SMC1B: variants seen among roughly 807,000 people sequenced by gnomAD.
SMC1B encodes the protein structural maintenance of chromosomes protein 1B.
SMC1B carries 60 observed loss-of-function variants against 157.9 expected under a neutral mutation model. The ratio of observed to expected loss-of-function variants is 0.38; its 90% CI spans 0.31 to 0.47. The LOEUF is 0.47. SMC1B is among the 20% of genes least tolerant of loss of function. SMC1B has a pLI of 0.99. For synonymous variants in SMC1B, 445 were observed against 483.0 expected, an observed-to-expected ratio of 0.92 and a Z score of 1.03; for missense variants, 1,165 against 1,426.2, an observed-to-expected ratio of 0.82 and a Z score of 2.95.
chr22:45,373,945 A>C (rs1156334131), intron 12 of SMC1B, among the ~76,000 whole-genome samples: 4 of 152,196 alleles, frequency 2.6e-5, no homozygotes, highest in Non-Finnish European at 5.9e-5. Flanking sequence ...TATTGTAGGA[A>C]AACATTCTAA....
chr22:45,413,018 CG>C (rs1364823593), intron 1 of SMC1B, among the ~76,000 whole-genome samples: 1 of 151,796 alleles, frequency 6.6e-6, no homozygotes, highest in Non-Finnish European at 1.5e-5. Flanking sequence ...GGGCCCAGGG[CG>C]GGACCGGGGC....
At chr22:45,358,650 T>C in intron 19 of SMC1B, 47 bp downstream of exon 19, 1 of 1,105,334 alleles carries the variant, frequency 9.0e-7, no homozygotes. Context: ...AAGATTTAAA[T>C]ATTCCGTATT....
chr22:45,354,460 G>T (rs915499809), intron 20 of SMC1B, among the ~76,000 whole-genome samples: 1 of 151,982 alleles, frequency 6.6e-6, no homozygotes, highest in Admixed American at 6.6e-5. Flanking sequence ...GCGTGATCTC[G>T]GCTCACTGCA....
rs149964833 is a variant in SMC1B at position 45,358,592 on chromosome 22, C to G, written c.2961+105G>C. 4.5e-4 allele frequency: 311 copies of G among 696,556 alleles called. 1 individual carries two copies. The African/African-American group carries it at 5.0e-3, about 11-fold the overall frequency. 43.1% of individuals were successfully genotyped at this position (696,556 alleles called of 1,614,324 possible). A position where few individuals can be genotyped will look rare whatever the true frequency, so the allele number is the denominator to read the frequency against. On this transcript the variant is annotated intron_variant, in intron 19 of 24. Transcript: ENST00000357450. ...ATTTCTTCCAAAACCATTAGGAAAT[C>G]TTTTAAAAAAAAACAAACTTAATTC...
rs752262594 is a variant in SMC1B at position 45,402,471 on chromosome 22, T to C, written c.716A>G (p.Asn239Ser). 5.6e-6 allele frequency: 9 copies of C among 1,613,958 alleles called. No homozygotes were observed. In the South Asian group the frequency reaches 8.8e-5, roughly 16 times the overall value. ...YHNEKKIHLL[N>S]TKLEHVNRDL... is the part of the protein sequence containing the mutation. ...CCTATTCACATGCTCTAACTTGGTG[T>C]TCAGGAGATGAATCTTTTTCTCATT... Residue 239 changes from asparagine to serine, a missense_variant, in exon 5 of 25, where the codon AAC becomes AGC. Asn to Ser is a conservative substitution (Grantham distance 46). Coordinates refer to ENST00000357450, the MANE Select transcript of SMC1B (RefSeq NM_148674.5).
rs993459605 is a variant in SMC1B, at chr22:45,353,913, A to C, written c.3273+65T>G. 2.1e-4 allele frequency: 158 copies of C among 757,790 alleles called. No individual in the cohort carries two copies. The South Asian group carries it at 3.0e-3, about 15-fold the overall frequency. The allele number at this position is 757,790 out of a possible 1,614,324, so 46.9% of individuals were successfully genotyped here. A position where few individuals can be genotyped will look rare whatever the true frequency, so the allele number is the denominator to read the frequency against. On this transcript the variant is annotated intron_variant, in intron 21 of 24. Transcript: ENST00000357450. ...CCCACCAAAAAAAAAAAAAAAAAAA[A>C]AAAAAAACAACCACCACCGGTAACA...
intron 16 of SMC1B, 88 bp from the exon 17 acceptor site, chr22:45,362,072 T>C (rs2086727227): frequency 1.5e-6 from 2 of 1,321,618 alleles, no homozygotes; most frequent in Non-Finnish European, 1.0e-6. Flanking sequence ...CCAAACCAGT[T>C]ATCCCGAGAT....
intron 23 of SMC1B, among the ~76,000 whole-genome samples, chr22:45,345,885 G>A (rs1369956202): frequency 6.6e-6 from 1 of 152,020 alleles, no homozygotes; most frequent in Non-Finnish European, 1.5e-5. Context: ...ATTTTTTGAG[G>A]GTGAAAAAGG....
At chr22:45,370,982 T>A (rs2086825629) in intron 14 of SMC1B, among the ~76,000 whole-genome samples, 1 of 152,188 alleles carries the variant, frequency 6.6e-6, no homozygotes, top group African/African-American at 2.4e-5. Context: ...TTTGTAAGGA[T>A]CAGAGATACC....
At chr22:45,347,379 T>A (rs1221255874) in intron 23 of SMC1B, among the ~76,000 whole-genome samples, 1 of 152,166 alleles carries the variant, frequency 6.6e-6, no homozygotes, top group Non-Finnish European at 1.5e-5. Context: ...CTCAGATGAA[T>A]ACAATTTGAG....
In SMC1B at chr22:45,399,179, T is replaced by C; in HGVS notation, c.1029A>G (p.Leu343=). 1 of 1,614,054 alleles carries C rather than the reference T, an allele frequency of 6.2e-7. No individual in the cohort carries two copies. Among genetic ancestry groups the C allele is most frequent in the Non-Finnish European group, 8.5e-7 (1 of 1,179,930 alleles). The change falls in exon 6 of 25, where the codon TTA becomes TTG. Residue 343 remains leucine, a synonymous_variant. Transcript: ENST00000357450. The part of the protein sequence containing the change: ...IKALETELAD[L]DAAWRSFEKQ... ...TTTCAAAACTTCTCCATGCAGCATC[T>C]AAATCAGCCAGCTCTGTCTCCAGGG...
chr22:45,389,046 TTAAG>T (rs1186415050), intron 10 of SMC1B, among the ~76,000 whole-genome samples: 1 of 147,922 alleles, frequency 6.8e-6, no homozygotes, highest in Non-Finnish European at 1.5e-5. Flanking sequence ...TAAGACTATA[TTAAG>T]TAACTGCTAA....
intron 2 of SMC1B, among the ~76,000 whole-genome samples, chr22:45,407,783 C>T (rs975458835): frequency 2.0e-5 from 3 of 152,088 alleles, no homozygotes; most frequent in Admixed American, 6.6e-5. Flanking sequence ...ATTCACTGAG[C>T]TAGCCTAATG....
chr22:45,354,509 G>A (rs2086651182), intron 20 of SMC1B, among the ~76,000 whole-genome samples: 1 of 152,076 alleles, frequency 6.6e-6, no homozygotes, highest in South Asian at 2.1e-4. Context: ...TCCTGCCTCA[G>A]CCTCCCGAGT....
At position 45,396,383 on chromosome 22, in the gene SMC1B, C is replaced by G. The variant is rs1350842025; in HGVS notation, c.1217G>C (p.Arg406Thr). 1 of 1,613,136 alleles carries G rather than the reference C, an allele frequency of 6.2e-7. No individual in the cohort carries two copies. Among genetic ancestry groups the G allele is most frequent in the Non-Finnish European group, 8.5e-7 (1 of 1,179,576 alleles). ...LQWEQKTDEE[R>T]LAFEKRRHGE... ...ATGCCTCCTCTTTTCAAATGCCAGT[C>G]TTTCTTCATCTGTCTTCTGTTCCCA... Residue 406 changes from arginine (R) to threonine (T), a missense_variant, in exon 7 of 25, where the codon AGA (arginine) becomes ACA (threonine). Transcript: ENST00000357450.
chr22:45,413,319 G>C (rs577999962), intron 1 of SMC1B, 140 bp downstream of exon 1: 3 of 635,610 alleles, frequency 4.7e-6, no homozygotes, highest in African/African-American at 3.8e-5. Flanking sequence ...GCCGGGATCC[G>C]GTCGCGGTCA....
chr22:45,399,417 G>A, intron 5 of SMC1B, 64 bp from the exon 6 acceptor site: 1 of 1,444,232 alleles, frequency 6.9e-7, no homozygotes, highest in South Asian at 1.3e-5. Flanking sequence ...AAGGGAAGAA[G>A]TTGTTTTGAT....
chr22:45,376,436 TG>T (rs1479148327), intron 12 of SMC1B, among the ~76,000 whole-genome samples: 2 of 152,346 alleles, frequency 1.3e-5, no homozygotes, highest in Non-Finnish European at 2.9e-5. Context: ...ATTCATCTGT[TG>T]ATTGACACCT....
Position 45,344,659 on chromosome 22 carries a change from TA to T in SMC1B, c.3607-3del, listed in dbSNP as rs1180923748. The T allele has an allele frequency of 6.2e-7, 1 of 1,608,394 alleles. No homozygotes were observed. Among genetic ancestry groups the T allele is most frequent in the African/African-American group, 1.3e-5 (1 of 74,832 alleles). On this transcript the variant is annotated splice_polypyrimidine_tract_variant and splice_region_variant and intron_variant, in intron 24 of 24. Transcript: ENST00000357450. ...TCGGCTGAACATGCAGTCATCGTAC[TA>T]AAATGGAGAGAAGACAGTTAAAAGT...
Sources: allele counts gnomAD v4.1 joint callset (sites outside exome capture counted in the v4.1 genomes callset), GRCh38; gene constraint gnomAD v4.1.1; transcripts MANE v1.5; gene names NCBI Gene and HGNC (gene_info 2026-07-23, HGNC 2026-07-21).